The following SLC13A4 variants were observed in gnomAD, a reference collection of about 807,000 sequenced individuals.
SLC13A4 encodes Na(+)/sulfate cotransporter SUT-1.
A neutral mutation model predicts 72.7 loss-of-function variants in SLC13A4; 28 were observed. The ratio of observed to expected loss-of-function variants is 0.39; its 90% confidence interval spans 0.29 to 0.53. The LOEUF (loss-of-function observed/expected upper bound fraction) is 0.53. Ranked by LOEUF, SLC13A4 falls within the 20% of genes least tolerant of loss-of-function variation. SLC13A4 has a pLI of 0.78. For synonymous variants in SLC13A4, 312 were observed against 325.5 expected (o/e 0.96, Z 0.45); for missense variants, 653 against 788.0 (o/e 0.83, Z 2.05).
chr7:135,712,777 C>G (rs1016120438), intron 2 of SLC13A4, among the ~76,000 whole-genome samples: 4 of 152,144 alleles, frequency 2.6e-5, no homozygotes, highest in Admixed American at 6.5e-5. Flanking sequence ...ACAATAACAC[C>G]TGGGTTATTC....
chr7:135,705,559 T>G, intron 5 of SLC13A4, 37 bp downstream of exon 5: 1 of 1,605,096 alleles, frequency 6.2e-7, no homozygotes, highest in South Asian at 1.1e-5. Context: ...CTATGGACTC[T>G]GAGAGGCGCT....
rs186797188 is a variant in SLC13A4 at position 135,718,709 on chromosome 7, G to A, written c.228+2686C>T. 5.9e-5 allele frequency among the ~76,000 whole-genome samples: 9 copies of A among 152,314 alleles called. 1 individual carries two copies. The highest frequency in any genetic ancestry group is 2.6e-4 in the Admixed American group (4 of 15,304). ...AAAGAACGGGAGAGAACTTTCCAAA[G>A]TGGAAGAATAACCCAAGTCGCAGTA... On this transcript the variant is annotated intron_variant, in intron 2 of 15. Transcript: ENST00000682651.
rs140157885 is a variant in SLC13A4, at chr7:135,681,611, G to A, written c.1836C>T (p.Asp612=). ...NTWGVSLFHL[D]TYPAWARVSN... Reference sequence around the variant, plus strand: ...TGACCCTCGCCCATGCTGGGTAAGTGTCCAGGTGGAAGAGGCTAACTCCCC... The same window carrying A: ...TGACCCTCGCCCATGCTGGGTAAGTATCCAGGTGGAAGAGGCTAACTCCCC... The change falls in exon 16 of 16, where the codon GAC becomes GAT. Residue 612 remains aspartate (D), a synonymous_variant. Transcript: ENST00000682651. 1.9e-6 allele frequency: 3 copies of A among 1,614,034 alleles called. No homozygotes were observed. In the South Asian group the frequency reaches 3.3e-5, roughly 18 times the overall value.
Position 135,681,430 on chromosome 7 carries a change from G to T in SLC13A4, c.*133C>A. The T allele has an allele frequency of 8.9e-7, 1 of 1,122,402 alleles. No homozygotes were observed. Among genetic ancestry groups the T allele is most frequent in the Non-Finnish European group, 1.3e-6 (1 of 797,564 alleles). 69.5% of individuals were successfully genotyped at this position (1,122,402 alleles called of 1,614,324 possible). On this transcript the variant is annotated 3_prime_UTR_variant, in exon 16 of 16. Transcript: ENST00000682651. ...TTCACTTGAGGTGGCGGAATCTTCT[G>T]GTGGAGGGATGCCCTCCGGCGTGGG...
intron 15 of SLC13A4, among the ~76,000 whole-genome samples, chr7:135,682,007 T>C (rs1795514117): frequency 6.6e-6 from 1 of 152,174 alleles, no homozygotes; most frequent in Non-Finnish European, 1.5e-5. Context: ...TGCAGCTCAC[T>C]GATAGGGAAA....
intron 2 of SLC13A4, among the ~76,000 whole-genome samples, chr7:135,718,111 G>T (rs3110812): frequency 0.3 from 45,450 of 150,614 alleles, 7,367 homozygotes; most frequent in African/African-American, 0.38. Flanking sequence ...ACGCGTGCGC[G>T]CTAGTCTCCT....
At chr7:135,702,560 C>T (rs1796062539) in intron 6 of SLC13A4, 2 of 331,402 alleles carry the variant, frequency 6.0e-6, no homozygotes, top group Non-Finnish European at 5.7e-6. Flanking sequence ...ATTTTTAGTA[C>T]AGGCGGGGTT....
chr7:135,701,553 G>T, intron 7 of SLC13A4, 127 bp downstream of exon 7: 2 of 887,698 alleles, frequency 2.3e-6, no homozygotes, highest in South Asian at 1.5e-5. Context: ...AGACATGTAT[G>T]AGAGTAATGA....
At chr7:135,698,942 T>C (rs1179080082) in intron 8 of SLC13A4, among the ~76,000 whole-genome samples, 1 of 151,924 alleles carries the variant, frequency 6.6e-6, no homozygotes, top group African/African-American at 2.4e-5. Flanking sequence ...CTTTTTTTTG[T>C]TTTTGTTTTT....
At position 135,701,755 on chromosome 7, in the gene SLC13A4, C is replaced by T; in HGVS notation, c.639G>A (p.Leu213=). The part of the protein sequence containing the change: ...DLTTLMHNEN[L]NGVPSITNPI... Reference sequence around the variant, plus strand: ...GGTTGGTGATCGAGGGCACACCATTCAGGTTCTGTTGGGACAAAGGCCATC... The same window carrying T: ...GGTTGGTGATCGAGGGCACACCATTTAGGTTCTGTTGGGACAAAGGCCATC... Residue 213 remains leucine (L), a synonymous_variant, in exon 7 of 16, where the codon CTG becomes CTA. Transcript: ENST00000682651. 6.2e-7 allele frequency: 1 copy of T among 1,613,682 alleles called. No homozygotes were observed. The highest frequency in any genetic ancestry group is 8.5e-7 in the Non-Finnish European group (1 of 1,179,826).
chr7:135,698,308 C>T (rs1795950013), intron 8 of SLC13A4, among the ~76,000 whole-genome samples: 1 of 144,054 alleles, frequency 6.9e-6, no homozygotes, highest in Non-Finnish European at 1.5e-5. Flanking sequence ...GCTGGGATTA[C>T]AGGTGTGAGC....
chr7:135,684,903 A>G (rs1377278712), intron 14 of SLC13A4, among the ~76,000 whole-genome samples: 1 of 152,186 alleles, frequency 6.6e-6, no homozygotes, highest in Non-Finnish European at 1.5e-5. Context: ...AATGGGACAG[A>G]TGAAGCATTG....
Position 135,708,131 on chromosome 7 carries a change from G to A in SLC13A4, c.348C>T (p.Ala116=), listed in dbSNP as rs771781668. 4.3e-6 allele frequency: 7 copies of A among 1,613,398 alleles called. No homozygotes were observed. The highest frequency in any genetic ancestry group is 2.2e-5 in the East Asian group (1 of 44,852). ...KRIALRMVLM[A]GAKPGMLLLC... is the part of the protein sequence containing the mutation. Reference sequence around the variant, plus strand: ...AGACTTACATGCCCGGCTTGGCTCCGGCCATCAAGACCATGCGCAGAGCAA... The same window carrying A: ...AGACTTACATGCCCGGCTTGGCTCCAGCCATCAAGACCATGCGCAGAGCAA... Residue 116 remains alanine, a synonymous_variant, in exon 3 of 16, where the codon GCC becomes GCT. Transcript: ENST00000682651.
intron 8 of SLC13A4, among the ~76,000 whole-genome samples, chr7:135,695,783 G>C (rs974870140): frequency 1.3e-5 from 2 of 152,186 alleles, no homozygotes; most frequent in Non-Finnish European, 2.9e-5. Flanking sequence ...TGCCCTTAAA[G>C]ATTCTGCTAA....
chr7:135,722,940 C>T (rs183308844), intron 1 of SLC13A4, among the ~76,000 whole-genome samples: 1 of 152,280 alleles, frequency 6.6e-6, no homozygotes, highest in African/African-American at 2.4e-5. Flanking sequence ...TGTTTGTCAA[C>T]CTTCGTACTA....
chr7:135,706,029 G>C (rs1000544903), intron 4 of SLC13A4, 99 bp downstream of exon 4: 3 of 1,207,990 alleles, frequency 2.5e-6, no homozygotes, highest in Non-Finnish European at 3.5e-6. Flanking sequence ...GGGTCCTGGG[G>C]TGGGCACAAA....
intron 8 of SLC13A4, among the ~76,000 whole-genome samples, chr7:135,696,649 G>A (rs113204840): frequency 3.3e-5 from 5 of 152,120 alleles, no homozygotes; most frequent in South Asian, 2.1e-4. Context: ...CACAGTGCCC[G>A]TCCCCTACTT....
At chr7:135,712,377 G>A (rs71539434) in intron 2 of SLC13A4, among the ~76,000 whole-genome samples, 1 of 151,206 alleles carries the variant, frequency 6.6e-6, no homozygotes, top group African/African-American at 2.4e-5. Flanking sequence ...GAGTGGGGAA[G>A]AGGGAGGACT....
chr7:135,710,394 T>C (rs1173108929), intron 2 of SLC13A4, among the ~76,000 whole-genome samples: 1 of 152,128 alleles, frequency 6.6e-6, no homozygotes, highest in Non-Finnish European at 1.5e-5. Context: ...AGACTACGTC[T>C]CAAAAAAGAA....
Sources: gnomAD v4.1 joint callset for allele counts (sites outside exome capture counted in the v4.1 genomes callset) on GRCh38, gnomAD v4.1.1 for gene constraint, MANE v1.5 for transcripts, NCBI Gene and HGNC (gene_info 2026-07-23, HGNC 2026-07-21) for gene names.